PDGFC: variants seen among roughly 807,000 people sequenced by gnomAD.
PDGFC encodes the protein platelet derived growth factor C, also known as platelet-derived growth factor C.
Under a neutral mutation model 35.5 loss-of-function variants are expected in PDGFC, and 12 were observed. That is an observed-to-expected ratio of 0.34 (90% CI 0.22 to 0.55). The LOEUF is 0.55. Among genes scored for constraint, PDGFC ranks in the 20% least tolerant of loss-of-function variants. The pLI, the probability that PDGFC is intolerant of heterozygous loss-of-function variation, is 0.91. For synonymous variants in PDGFC, 159 were observed against 148.8 expected, an observed-to-expected ratio of 1.07 and a Z score of -0.50; for missense variants, 322 against 412.4, an observed-to-expected ratio of 0.78 and a Z score of 1.90.
chr4:156,773,042 G>A, intron 3 of PDGFC, 149 bp from the exon 4 acceptor site: 1 of 600,604 alleles, frequency 1.7e-6, no homozygotes, highest in South Asian at 2.1e-5. Context: ...ACTCTGCAAA[G>A]ACTTCATGAA....
chr4:156,963,888 T>G (rs1579129641), intron 1 of PDGFC, among the ~76,000 whole-genome samples: 2 of 152,030 alleles, frequency 1.3e-5, no homozygotes, highest in East Asian at 3.9e-4. Context: ...ATTTGGGAAC[T>G]TTGCAAACCA....
intron 2 of PDGFC, among the ~76,000 whole-genome samples, chr4:156,811,794 A>G (rs1163431941): frequency 2.0e-5 from 3 of 152,120 alleles, no homozygotes; most frequent in East Asian, 3.9e-4. Flanking sequence ...TTATTGCCCC[A>G]TGACAGACTG....
At chr4:156,799,068 A>T (rs1244884363) in intron 3 of PDGFC, among the ~76,000 whole-genome samples, 1 of 151,476 alleles carries the variant, frequency 6.6e-6, no homozygotes, top group Non-Finnish European at 1.5e-5. Flanking sequence ...ATAAAACAAA[A>T]TTTTTAGTAT....
chr4:156,886,143 A>C (rs1730370264), intron 1 of PDGFC, among the ~76,000 whole-genome samples: 1 of 152,200 alleles, frequency 6.6e-6, no homozygotes, highest in Admixed American at 6.5e-5. Context: ...AATGGAACAC[A>C]GTGGGGAATA....
chr4:156,834,975 T>C (rs1729028603), intron 2 of PDGFC, among the ~76,000 whole-genome samples: 1 of 152,076 alleles, frequency 6.6e-6, no homozygotes, highest in Admixed American at 6.5e-5. Flanking sequence ...AGTAAAATTT[T>C]TGCCATATTA....
At chr4:156,946,323 T>C (rs2110923801) in intron 1 of PDGFC, among the ~76,000 whole-genome samples, 1 of 152,092 alleles carries the variant, frequency 6.6e-6, no homozygotes, top group Non-Finnish European at 1.5e-5. Flanking sequence ...CAGCATATGG[T>C]AAACAGAAAT....
rs1461080256 is a variant in PDGFC at position 156,763,144 on chromosome 4, G to A, written c.984C>T (p.Ala328=). ...RGLHKSLTDV[A]LEHHEECDCV... is the part of the protein sequence containing the mutation. ...AGTCACACTCCTCATGGTGCTCCAGGGCCACGTCGGTGAGTGATTTGTGCA... is the reference window on the plus strand; with the variant it reads ...AGTCACACTCCTCATGGTGCTCCAGAGCCACGTCGGTGAGTGATTTGTGCA... Residue 328 remains alanine, a synonymous_variant, in exon 6 of 6, where the codon GCC becomes GCT. Coordinates refer to ENST00000502773, the MANE Select transcript of PDGFC (RefSeq NM_016205.3). The A allele has an allele frequency of 4.3e-5, 70 of 1,613,170 alleles. No homozygotes were observed. Among genetic ancestry groups the A allele is most frequent in the Non-Finnish European group, 5.9e-5 (69 of 1,179,234 alleles).
chr4:156,924,034 T>C (rs1397707173), intron 1 of PDGFC, among the ~76,000 whole-genome samples: 1 of 152,126 alleles, frequency 6.6e-6, no homozygotes, highest in African/African-American at 2.4e-5. Context: ...GCTACATCAG[T>C]TAAAATATTA....
chr4:156,970,604 C>T (rs1732568164), intron 1 of PDGFC, among the ~76,000 whole-genome samples, 182 bp downstream of exon 1: 1 of 152,186 alleles, frequency 6.6e-6, no homozygotes, highest in African/African-American at 2.4e-5. Context: ...GTGGCAGCTC[C>T]CGAAGTTGCA....
Position 156,868,243 on chromosome 4 carries a change from C to T in PDGFC, c.119-17827G>A, listed in dbSNP as rs546923641. ...TCTGAAAGTTTTAGTGACAATCATA[C>T]CTGTCACCAAAAATAAAGGCGAGCA... On this transcript the variant is annotated intron_variant, in intron 1 of 5. Transcript: ENST00000502773. 1.9e-3 allele frequency among the ~76,000 whole-genome samples: 285 copies of T among 152,296 alleles called. 1 individual carries two copies. The highest frequency in any genetic ancestry group is 6.5e-3 in the African/African-American group (272 of 41,560).
intron 3 of PDGFC, among the ~76,000 whole-genome samples, chr4:156,798,563 A>C (rs1731511220): frequency 6.6e-6 from 1 of 152,202 alleles, no homozygotes; most frequent in Admixed American, 6.5e-5. Context: ...TACTTTTATC[A>C]GTAATAGGAT....
chr4:156,798,060 C>T (rs953309837), intron 3 of PDGFC, among the ~76,000 whole-genome samples: 3 of 152,162 alleles, frequency 2.0e-5, no homozygotes, highest in Non-Finnish European at 2.9e-5. Context: ...GGCATGGTGG[C>T]GGGCGCCTGT....
chr4:156,848,650 T>G (rs1040552121), intron 2 of PDGFC, among the ~76,000 whole-genome samples: 2 of 152,006 alleles, frequency 1.3e-5, no homozygotes, highest in African/African-American at 4.8e-5. Context: ...ATGGTATTAC[T>G]CCATTGATAC....
chr4:156,858,155 A>G (rs2111105498), intron 1 of PDGFC, among the ~76,000 whole-genome samples: 1 of 152,134 alleles, frequency 6.6e-6, no homozygotes, highest in African/African-American at 2.4e-5. Context: ...AAATATCCCA[A>G]TTTGCATCAT....
intron 3 of PDGFC, among the ~76,000 whole-genome samples, chr4:156,808,594 T>A (rs1199842478): frequency 3.3e-5 from 5 of 152,026 alleles, no homozygotes; most frequent in African/African-American, 1.2e-4. Flanking sequence ...TAGGCTTTCA[T>A]TAATCTGTTA....
At position 156,812,431 on chromosome 4, in the gene PDGFC, G is replaced by A. The variant is rs955446581; in HGVS notation, c.315-1414C>T. On this transcript the variant is annotated intron_variant, in intron 2 of 5. Coordinates refer to ENST00000502773, the MANE Select transcript of PDGFC (RefSeq NM_016205.3). ...TTTAAAACAATTTCACATGTAAACAGATAACTGCTTCTATGAATTGCATTT... is the reference window on the plus strand; with the variant it reads ...TTTAAAACAATTTCACATGTAAACAAATAACTGCTTCTATGAATTGCATTT... Among the ~76,000 whole-genome samples the A allele has an allele frequency of 2.6e-5, 4 of 152,086 alleles. No homozygotes were observed. In the East Asian group the frequency reaches 7.7e-4, roughly 29 times the overall value.
intron 1 of PDGFC, among the ~76,000 whole-genome samples, chr4:156,909,832 G>C (rs538589706): frequency 2.0e-5 from 3 of 152,114 alleles, no homozygotes; most frequent in Non-Finnish European, 4.4e-5. Flanking sequence ...AGATTCTTAA[G>C]TTAAATCTTG....
At chr4:156,859,504 G>C (rs1729658971) in intron 1 of PDGFC, among the ~76,000 whole-genome samples, 1 of 152,084 alleles carries the variant, frequency 6.6e-6, no homozygotes, top group Non-Finnish European at 1.5e-5. Flanking sequence ...GGTTTCAGCA[G>C]TAATTCCACA....
At position 156,920,023 on chromosome 4, in the gene PDGFC, T is replaced by A. The variant is rs540457007; in HGVS notation, c.118+50763A>T. Among the ~76,000 whole-genome samples, 5 of 152,136 alleles carry A rather than the reference T, an allele frequency of 3.3e-5. No individual in the cohort carries two copies. The South Asian group carries it at 1.0e-3, about 32-fold the overall frequency. Reference sequence around the variant, plus strand: ...AGATCAAAAAGAGCCTGGCGCCTCCTCCCCTCCATCTTGCTCCCCTCTCCC... The same window carrying A: ...AGATCAAAAAGAGCCTGGCGCCTCCACCCCTCCATCTTGCTCCCCTCTCCC... On this transcript the variant is annotated intron_variant, in intron 1 of 5. Transcript: ENST00000502773.
Sources: allele counts gnomAD v4.1 joint callset (sites outside exome capture counted in the v4.1 genomes callset), GRCh38; gene constraint gnomAD v4.1.1; transcripts MANE v1.5; gene names NCBI Gene and HGNC (gene_info 2026-07-23, HGNC 2026-07-21).